MGAT4C: variants seen among roughly 807,000 people sequenced by gnomAD.
The protein encoded by MGAT4C is MGAT4 family member C.
MGAT4C carries 19 observed loss-of-function variants against 40.1 expected under a neutral mutation model. The observed-to-expected ratio is 0.47, with a 90% CI of 0.33 to 0.70. The LOEUF (loss-of-function observed/expected upper bound fraction) is 0.70. Among genes scored for constraint, MGAT4C ranks in the 30% least tolerant of loss-of-function variants. The pLI, the probability that MGAT4C is intolerant of heterozygous loss-of-function variation, is 0.02. For synonymous variants in MGAT4C, 181 were observed against 187.1 expected (o/e 0.97, Z 0.27); for missense variants, 491 against 563.2 (o/e 0.87, Z 1.30).
At chr12:86,777,171 G>A (rs1318572956) in intron 1 of MGAT4C, among the ~76,000 whole-genome samples, 1 of 151,882 alleles carries the variant, frequency 6.6e-6, no homozygotes, top group Non-Finnish European at 1.5e-5. Context: ...TAAATCAACA[G>A]ATAAAATTTT....
At chr12:86,146,747 G>T (rs1277216667) in intron 1 of MGAT4C, among the ~76,000 whole-genome samples, 1 of 151,634 alleles carries the variant, frequency 6.6e-6, no homozygotes, top group African/African-American at 2.4e-5. Flanking sequence ...AAAATGTAAA[G>T]TTTACCATCA....
At chr12:86,283,881 A>G (rs1166535515) in intron 4 of MGAT4C, among the ~76,000 whole-genome samples, 1 of 152,130 alleles carries the variant, frequency 6.6e-6, no homozygotes, top group African/African-American at 2.4e-5. Flanking sequence ...TGGAATTCAA[A>G]GCATGTTCAA....
chr12:86,243,439 C>A (rs1345007877), intron 1 of MGAT4C, among the ~76,000 whole-genome samples: 1 of 152,172 alleles, frequency 6.6e-6, no homozygotes, highest in African/African-American at 2.4e-5. Flanking sequence ...TGAGTGTGGG[C>A]AGAACCTGTG....
intron 3 of MGAT4C, among the ~76,000 whole-genome samples, chr12:86,351,853 T>G (rs1358962734): frequency 2.0e-5 from 3 of 152,054 alleles, no homozygotes; most frequent in Admixed American, 6.6e-5. Flanking sequence ...CCATCACAGT[T>G]AAAACTGAAA....
At chr12:86,553,071 T>A (rs995658782) in intron 2 of MGAT4C, among the ~76,000 whole-genome samples, 1 of 152,094 alleles carries the variant, frequency 6.6e-6, no homozygotes, top group African/African-American at 2.4e-5. Flanking sequence ...ACTACCTAGG[T>A]AAGTATTTCT....
chr12:86,626,984 G>T (rs907686993), intron 2 of MGAT4C, among the ~76,000 whole-genome samples: 1 of 152,236 alleles, frequency 6.6e-6, no homozygotes, highest in Admixed American at 6.5e-5. Context: ...GCCGTGACAG[G>T]CTGTACCAGG....
At chr12:86,669,493 C>A (rs891079379) in intron 2 of MGAT4C, among the ~76,000 whole-genome samples, 11 of 152,190 alleles carry the variant, frequency 7.2e-5, no homozygotes, top group African/African-American at 2.7e-4. Context: ...GACCCATTCT[C>A]CTGGATTAGG....
chr12:86,033,912 T>A (rs1479438774), intron 2 of MGAT4C, among the ~76,000 whole-genome samples: 1 of 149,596 alleles, frequency 6.7e-6, no homozygotes, highest in South Asian at 2.1e-4. Flanking sequence ...GGCTCTTATT[T>A]TTTTAATATA....
chr12:86,483,355 TA>T (rs1358775782), intron 2 of MGAT4C, among the ~76,000 whole-genome samples: 1 of 152,136 alleles, frequency 6.6e-6, no homozygotes, highest in African/African-American at 2.4e-5. Context: ...ACAAGAGATA[TA>T]ATTCCTCTTT....
intron 1 of MGAT4C, among the ~76,000 whole-genome samples, chr12:86,226,606 C>T (rs546975886): frequency 6.6e-6 from 1 of 151,852 alleles, no homozygotes. Flanking sequence ...CTGCCCTCAC[C>T]GCAACCCAAA....
chr12:86,706,214 T>A (rs982410598), intron 2 of MGAT4C, among the ~76,000 whole-genome samples: 1 of 152,110 alleles, frequency 6.6e-6, no homozygotes, highest in Non-Finnish European at 1.5e-5. Context: ...AAACCTACAT[T>A]TTTTGTCTTA....
At chr12:86,262,408 T>C (rs1952677628) in intron 4 of MGAT4C, among the ~76,000 whole-genome samples, 1 of 152,156 alleles carries the variant, frequency 6.6e-6, no homozygotes, top group African/African-American at 2.4e-5. Context: ...TTTCTTTTTA[T>C]CTAGGTGTCT....
At chr12:86,811,726 AT>A (rs1952479179) in intron 1 of MGAT4C, among the ~76,000 whole-genome samples, 1 of 151,070 alleles carries the variant, frequency 6.6e-6, no homozygotes, top group Non-Finnish European at 1.5e-5. Flanking sequence ...TTCTTTTATT[AT>A]TTTTGCTAGT....
At chr12:86,551,178 T>C (rs549271331) in intron 2 of MGAT4C, among the ~76,000 whole-genome samples, 127 of 152,314 alleles carry the variant, frequency 8.3e-4, no homozygotes, top group African/African-American at 3.0e-3. Flanking sequence ...CAAATAGCTA[T>C]ATGCCAATGT....
At chr12:86,301,505 A>G (rs1488738197) in intron 4 of MGAT4C, among the ~76,000 whole-genome samples, 2 of 152,202 alleles carry the variant, frequency 1.3e-5, no homozygotes, top group Non-Finnish European at 2.9e-5. Context: ...GCTCCTTGGT[A>G]TAGAAATATT....
intron 2 of MGAT4C, among the ~76,000 whole-genome samples, chr12:86,044,275 A>C (rs1565902155): frequency 6.6e-6 from 1 of 152,200 alleles, no homozygotes; most frequent in African/African-American, 2.4e-5. Flanking sequence ...TCCAGACTGC[A>C]GTCCATAACA....
chr12:85,979,710 T>C lies in MGAT4C; in HGVS notation c.1016A>G (p.Asp339Gly). 6.2e-7 allele frequency: 1 copy of C among 1,613,522 alleles called. No individual in the cohort carries two copies. ...GGTGTACAGACTTGCAGGGGGGTTA[T>C]CAGGAATGTCAAATGACTCCTCTTC... ...DFEEESFDIP[D>G]NPPASLYTNM... is the part of the protein sequence containing the mutation. Residue 339 changes from aspartate to glycine, a missense_variant, in exon 5 of 5, where the codon GAT becomes GGT. By Grantham distance (94) the Asp-to-Gly change is moderately conservative. Coordinates refer to ENST00000611864, the MANE Select transcript of MGAT4C (RefSeq NM_001351288.2).
rs1019209018 is a variant in MGAT4C at position 86,013,709 on chromosome 12, C to T, written c.-6-24157G>A. 3.6e-5 allele frequency: 35 copies of T among 984,302 alleles called. No homozygotes were observed. In the African/African-American group the frequency reaches 4.9e-4, roughly 14 times the overall value. The allele number at this position is 984,302 out of a possible 1,614,324, so 61.0% of individuals were successfully genotyped here. A position where few individuals can be genotyped will look rare whatever the true frequency, so the allele number is the denominator to read the frequency against. ...AATTTTACCTACTGTTTACAAACCA[C>T]CAACAAAAAGAACATACGGCTTTTC... is the stretch of plus-strand genomic sequence containing the variant. On this transcript the variant is annotated intron_variant, in intron 2 of 4. Transcript: ENST00000611864.
intron 1 of MGAT4C, among the ~76,000 whole-genome samples, chr12:86,068,885 A>G (rs1894812048): frequency 6.6e-6 from 1 of 152,104 alleles, no homozygotes; most frequent in Non-Finnish European, 1.5e-5. Context: ...AATCTTTGAA[A>G]GGGTGTGGCC....
Sources: allele counts gnomAD v4.1 joint callset (sites outside exome capture counted in the v4.1 genomes callset), GRCh38; gene constraint gnomAD v4.1.1; transcripts MANE v1.5; gene names NCBI Gene and HGNC (gene_info 2026-07-23, HGNC 2026-07-21).